Variants in IL17RD observed in about 807,000 individuals in gnomAD.
IL17RD encodes the protein interleukin-17 receptor D.
Under a neutral mutation model 80.5 loss-of-function variants are expected in IL17RD, and 52 were observed. That is an observed-to-expected ratio of 0.65 (90% CI 0.52 to 0.81). IL17RD has a LOEUF of 0.81. Ranked by LOEUF, IL17RD falls within the 40% of genes least tolerant of loss-of-function variation. The pLI is 0.00. For missense variants in IL17RD, 1,024 were observed against 955.1 expected, an observed-to-expected ratio of 1.07 and a Z score of -0.95; for synonymous variants, 416 against 391.8, an observed-to-expected ratio of 1.06 and a Z score of -0.73.
chr3:57,163,785 CG>C lies in IL17RD; in HGVS notation c.126+1375del, dbSNP rs57632395. Among the ~76,000 whole-genome samples the C allele has an allele frequency of 6.9e-4, 11 of 15,962 alleles. 1 individual carries two copies. The highest frequency in any genetic ancestry group is 2.8e-3 in the Admixed American group (3 of 1,066). 10.5% of individuals were successfully genotyped at this position (15,962 alleles called of 152,430 possible). On this transcript the variant is annotated intron_variant, in intron 1 of 12. Transcript: ENST00000296318. The stretch of plus-strand genomic sequence containing the variant: ...GAAGGAATGACAGAGCCTAATGGGG[CG>C]GGGGGGCGGGGGGGGAAGGGGGTGG...
chr3:57,164,062 A>G (rs886933103), intron 1 of IL17RD, among the ~76,000 whole-genome samples: 7 of 152,108 alleles, frequency 4.6e-5, no homozygotes, highest in Non-Finnish European at 1.0e-4. Context: ...ACCACTCCAT[A>G]CCTATCCCTC....
chr3:57,146,247 C>T (rs1158385555), intron 1 of IL17RD, among the ~76,000 whole-genome samples: 1 of 150,966 alleles, frequency 6.6e-6, no homozygotes, highest in Non-Finnish European at 1.5e-5. Context: ...TAAATTCTTA[C>T]TTTAAATTCT....
rs564810071 is a variant in IL17RD, at chr3:57,125,846, C to G, written c.127-5533G>C. Reference sequence around the variant, plus strand: ...TGAAGACAGAGTCGAGGAGGACAGCCCTCAAAACCCCTGCCTACAGTCCTG... The same window carrying G: ...TGAAGACAGAGTCGAGGAGGACAGCGCTCAAAACCCCTGCCTACAGTCCTG... On this transcript the variant is annotated intron_variant, in intron 1 of 12. Transcript: ENST00000296318. Among the ~76,000 whole-genome samples the G allele has an allele frequency of 4.6e-5, 7 of 152,254 alleles. No individual in the cohort carries two copies. The South Asian group carries it at 1.5e-3, about 32-fold the overall frequency.
chr3:57,141,536 G>A (rs547412204), intron 1 of IL17RD, among the ~76,000 whole-genome samples: 1 of 152,254 alleles, frequency 6.6e-6, no homozygotes, highest in East Asian at 1.9e-4. Context: ...ATAATCCTGA[G>A]CAGAACAACT....
chr3:57,111,437 G>C (rs746054209), intron 3 of IL17RD, among the ~76,000 whole-genome samples: 1 of 152,096 alleles, frequency 6.6e-6, no homozygotes, highest in Non-Finnish European at 1.5e-5. Flanking sequence ...AGCTTCCTGT[G>C]GGGGTGAAAG....
rs998893871 is a variant in IL17RD, at chr3:57,090,267, A to G, written c.*6126T>C. Reference sequence around the variant, plus strand: ...GGACGTACTAACAGGGAGTTTCCACAGGGAAAAATTCTCTTTTAAAAAATT... The same window carrying G: ...GGACGTACTAACAGGGAGTTTCCACGGGGAAAAATTCTCTTTTAAAAAATT... On this transcript the variant is annotated 3_prime_UTR_variant, in exon 13 of 13. Coordinates refer to ENST00000296318, the MANE Select transcript of IL17RD (RefSeq NM_017563.5). The G allele has an allele frequency of 1.3e-5, 2 of 152,656 alleles. No individual in the cohort carries two copies. The highest frequency in any genetic ancestry group is 1.3e-4 in the Admixed American group (2 of 15,284). The allele number at this position is 152,656 out of a possible 1,614,324, so 9.5% of individuals were successfully genotyped here.
chr3:57,108,086 G>C (rs1048277899), intron 5 of IL17RD, among the ~76,000 whole-genome samples: 1 of 150,290 alleles, frequency 6.7e-6, no homozygotes, highest in Non-Finnish European at 1.5e-5. Flanking sequence ...TTGAGATGGA[G>C]TCTTGCTCTG....
intron 1 of IL17RD, among the ~76,000 whole-genome samples, chr3:57,123,713 G>A (rs2107502819): frequency 6.6e-6 from 1 of 152,336 alleles, no homozygotes; most frequent in East Asian, 1.9e-4. Flanking sequence ...TCAGAAGCAG[G>A]AGAAAACATC....
intron 5 of IL17RD, among the ~76,000 whole-genome samples, chr3:57,108,164 AT>A (rs1707007735): frequency 6.6e-6 from 1 of 151,236 alleles, no homozygotes; most frequent in Non-Finnish European, 1.5e-5. Flanking sequence ...AGTTCAAGTG[AT>A]TCTCCTGCCT....
At chr3:57,120,585 T>A (rs1347873703) in intron 1 of IL17RD, among the ~76,000 whole-genome samples, 1 of 152,240 alleles carries the variant, frequency 6.6e-6, no homozygotes, top group East Asian at 1.9e-4. Flanking sequence ...GTTTAGGGGT[T>A]AAATAATAAT....
At chr3:57,129,669 G>C (rs149941349) in intron 1 of IL17RD, among the ~76,000 whole-genome samples, 3,887 of 152,224 alleles carry the variant, frequency 0.026, 73 homozygotes, top group Admixed American at 0.042. Context: ...GGTGGATTTC[G>C]CATATTTGGA....
At chr3:57,154,338 T>C (rs2060253659) in intron 1 of IL17RD, among the ~76,000 whole-genome samples, 1 of 150,780 alleles carries the variant, frequency 6.6e-6, no homozygotes, top group South Asian at 2.1e-4. Context: ...AAATCTCCTA[T>C]ATGCCTTTCC....
chr3:57,097,385 C>G (rs1466004721), intron 12 of IL17RD: 8 of 592,816 alleles, frequency 1.3e-5, no homozygotes, highest in Admixed American at 5.8e-5. Flanking sequence ...GTCTGGGCAG[C>G]TCACTATAAT....
chr3:57,143,357 A>C (rs1267116566), intron 1 of IL17RD, among the ~76,000 whole-genome samples: 2 of 152,040 alleles, frequency 1.3e-5, no homozygotes, highest in Admixed American at 1.3e-4. Flanking sequence ...ATCTCAACAA[A>C]GGCTACGACA....
chr3:57,131,264 T>G (rs1024945234), intron 1 of IL17RD, among the ~76,000 whole-genome samples: 5 of 152,094 alleles, frequency 3.3e-5, no homozygotes, highest in Admixed American at 1.3e-4. Flanking sequence ...CAGCACTGCC[T>G]TTCTACAGAA....
At chr3:57,165,626 C>T (rs896454024), upstream of IL17RD, among the ~76,000 whole-genome samples, 1 of 151,784 alleles carries the variant, frequency 6.6e-6, no homozygotes, top group Non-Finnish European at 1.5e-5. Context: ...TCACTCTATG[C>T]AAAACCTGAG....
intron 1 of IL17RD, among the ~76,000 whole-genome samples, chr3:57,131,414 A>G (rs1177557633): frequency 3.3e-5 from 5 of 152,318 alleles, no homozygotes; most frequent in African/African-American, 1.2e-4. Flanking sequence ...TTCAGCCAAC[A>G]GGAGTCCCAG....
At chr3:57,102,395 C>A (rs2107470321) in intron 10 of IL17RD, 84 bp downstream of exon 10, 1 of 607,936 alleles carries the variant, frequency 1.6e-6, no homozygotes, top group South Asian at 4.5e-5. Flanking sequence ...CTGGAGGACC[C>A]AGGTACTCCC....
At chr3:57,147,143 ATAT>A (rs1490582242) in intron 1 of IL17RD, among the ~76,000 whole-genome samples, 1 of 152,036 alleles carries the variant, frequency 6.6e-6, no homozygotes, top group Non-Finnish European at 1.5e-5. Context: ...ATAAATGTCA[ATAT>A]TATTAGGATG....
Sources: allele counts gnomAD v4.1 joint callset (sites outside exome capture counted in the v4.1 genomes callset), GRCh38; gene constraint gnomAD v4.1.1; transcripts MANE v1.5; gene names NCBI Gene and HGNC (gene_info 2026-07-23, HGNC 2026-07-21).